MXI1: variants seen among roughly 807,000 people sequenced by gnomAD.
MXI1 encodes MAX interactor 1, dimerization protein.
MXI1 carries 18 observed loss-of-function variants against 36.9 expected under a neutral mutation model. The ratio of observed to expected loss-of-function variants is 0.49; its 90% CI spans 0.34 to 0.72. MXI1 has a LOEUF of 0.72. MXI1 is among the 30% of genes least tolerant of loss of function. The pLI is 0.01. For missense variants in MXI1, 304 were observed against 379.1 expected (o/e 0.80, Z 1.64); for synonymous variants, 160 against 146.7 (o/e 1.09, Z -0.65).
chr10:110,211,871 A>G (rs7082451), intron 1 of MXI1, among the ~76,000 whole-genome samples: 6,120 of 152,298 alleles, frequency 0.04, 377 homozygotes, highest in African/African-American at 0.14. Flanking sequence ...CTGTGATCCT[A>G]TTACCACAAA....
At chr10:110,276,793 A>G (rs1438037813) in intron 3 of MXI1, among the ~76,000 whole-genome samples, 1 of 151,012 alleles carries the variant, frequency 6.6e-6, no homozygotes, top group Admixed American at 6.6e-5. Flanking sequence ...CTTTTCCTTG[A>G]TGTGAAAGTT....
At chr10:110,233,151 A>G (rs1486481315) in intron 2 of MXI1, among the ~76,000 whole-genome samples, 1 of 152,178 alleles carries the variant, frequency 6.6e-6, no homozygotes, top group Non-Finnish European at 1.5e-5. Context: ...AGAATCTCAT[A>G]AAAGCAGTAT....
intron 3 of MXI1, among the ~76,000 whole-genome samples, chr10:110,272,294 G>A (rs1856880154): frequency 6.6e-6 from 1 of 152,170 alleles, no homozygotes; most frequent in South Asian, 2.1e-4. Context: ...CTGAAAAAAT[G>A]AGAAATCCAA....
At position 110,208,398 on chromosome 10, in the gene MXI1, C is replaced by G. The variant is rs964064383; in HGVS notation, c.274+316C>G. 1.6e-5 allele frequency: 3 copies of G among 188,552 alleles called. No individual in the cohort carries two copies. In the Admixed American group the frequency reaches 1.9e-4, roughly 12 times the overall value. 11.7% of individuals were successfully genotyped at this position (188,552 alleles called of 1,614,324 possible). On this transcript the variant is annotated intron_variant, in intron 1 of 5. Transcript: ENST00000332674. ...GCTGACAACTGAGCCGAGAGCTCAT[C>G]TCTTTGAGGTCGCTTTTCTTCCTTT...
intron 1 of MXI1, among the ~76,000 whole-genome samples, chr10:110,219,111 C>A (rs1331513809): frequency 6.6e-6 from 1 of 152,084 alleles, no homozygotes; most frequent in Non-Finnish European, 1.5e-5. Context: ...ACCAGCCTGG[C>A]CAATATGGTG....
intron 3 of MXI1, among the ~76,000 whole-genome samples, chr10:110,255,754 C>A (rs193249236): frequency 5.3e-5 from 8 of 152,108 alleles, no homozygotes; most frequent in Non-Finnish European, 8.8e-5. Context: ...CCAAATTGAT[C>A]TATAGATTCA....
At chr10:110,225,411 C>A (rs577048942) in intron 1 of MXI1, among the ~76,000 whole-genome samples, 1 of 152,282 alleles carries the variant, frequency 6.6e-6, no homozygotes, top group East Asian at 1.9e-4. Flanking sequence ...TGTGTGGAAG[C>A]TGAGGTGGAA....
intron 1 of MXI1, 43 bp from the exon 2 acceptor site, chr10:110,228,146 A>G (rs747362718): frequency 1.9e-6 from 3 of 1,606,314 alleles, no homozygotes; most frequent in East Asian, 2.2e-5. Flanking sequence ...GGATTTGGGT[A>G]CTATATTCTT....
chr10:110,207,782 A>G lies in MXI1; in HGVS notation c.-27A>G, dbSNP rs1202801575. On this transcript the variant is annotated 5_prime_UTR_variant, in exon 1 of 6. Coordinates refer to ENST00000332674, the MANE Select transcript of MXI1 (RefSeq NM_130439.3). ...CCGGGCCGCGCAGCCCCGTTAGAGGACGAGCTCGGCGGACCCCCGCTCCTC... is the reference window on the plus strand; with the variant it reads ...CCGGGCCGCGCAGCCCCGTTAGAGGGCGAGCTCGGCGGACCCCCGCTCCTC... 1 of 1,128,876 alleles carries G rather than the reference A, an allele frequency of 8.9e-7. No individual in the cohort carries two copies. The highest frequency in any genetic ancestry group is 5.2e-5 in the East Asian group (1 of 19,300). The allele number at this position is 1,128,876 out of a possible 1,614,324, so 69.9% of individuals were successfully genotyped here.
chr10:110,278,726 G>GCA (rs148968936), intron 3 of MXI1, among the ~76,000 whole-genome samples: 65,694 of 149,662 alleles, frequency 0.44, 18,699 homozygotes, highest in African/African-American at 0.74. Flanking sequence ...GTGTGTGTGT[G>GCA]TGCCCACACA....
At chr10:110,273,111 G>C (rs1237914536) in intron 3 of MXI1, among the ~76,000 whole-genome samples, 1 of 144,682 alleles carries the variant, frequency 6.9e-6, no homozygotes, top group Admixed American at 7.3e-5. Context: ...GCAGTGATGC[G>C]ATCTCGGCTC....
At chr10:110,224,090 G>A (rs910418956) in intron 1 of MXI1, among the ~76,000 whole-genome samples, 2 of 152,120 alleles carry the variant, frequency 1.3e-5, no homozygotes, top group African/African-American at 4.8e-5. Context: ...GCATGAAGCC[G>A]ATAACATTTT....
chr10:110,230,046 C>T (rs973205224), intron 2 of MXI1, among the ~76,000 whole-genome samples: 10 of 152,102 alleles, frequency 6.6e-5, no homozygotes. Context: ...CCCTCCTTCT[C>T]CTGAACTTCT....
intron 1 of MXI1, chr10:110,227,700 A>G (rs1855108255): frequency 1.4e-5 from 4 of 287,608 alleles, no homozygotes; most frequent in African/African-American, 2.3e-5. Context: ...TGGCAGCCCA[A>G]GGGGCTGTAG....
intron 1 of MXI1, among the ~76,000 whole-genome samples, chr10:110,208,831 C>T (rs1224219744): frequency 6.6e-6 from 1 of 151,578 alleles, no homozygotes; most frequent in Non-Finnish European, 1.5e-5. Context: ...GAAACTTGGC[C>T]GTGGGGACGC....
chr10:110,264,284 G>T (rs1303004044), intron 3 of MXI1, among the ~76,000 whole-genome samples: 2 of 151,972 alleles, frequency 1.3e-5, no homozygotes, highest in Non-Finnish European at 2.9e-5. Context: ...CTGCTGTATT[G>T]GGCATTGTAT....
intron 2 of MXI1, among the ~76,000 whole-genome samples, chr10:110,230,506 G>A (rs1377498476): frequency 6.6e-6 from 1 of 152,180 alleles, no homozygotes; most frequent in Admixed American, 6.5e-5. Context: ...GAGAGAGAGA[G>A]AGAAAAATAT....
intron 3 of MXI1, among the ~76,000 whole-genome samples, chr10:110,268,367 C>A (rs953442940): frequency 1.3e-5 from 2 of 152,122 alleles, no homozygotes; most frequent in East Asian, 3.9e-4. Context: ...CTCATTTAAT[C>A]TTTTCCTGGG....
intron 2 of MXI1, among the ~76,000 whole-genome samples, chr10:110,236,805 A>G (rs1855494354): frequency 6.6e-6 from 1 of 152,196 alleles, no homozygotes; most frequent in Non-Finnish European, 1.5e-5. Flanking sequence ...AGTTTCTACA[A>G]CAGAGCCTGC....
Sources: gnomAD v4.1 joint callset for allele counts (sites outside exome capture counted in the v4.1 genomes callset) on GRCh38, gnomAD v4.1.1 for gene constraint, MANE v1.5 for transcripts, NCBI Gene and HGNC (gene_info 2026-07-23, HGNC 2026-07-21) for gene names.